ARHGEF12: variants seen among roughly 807,000 people sequenced by gnomAD.
ARHGEF12 encodes KMT2A/ARHGEF12 fusion protein.
In ARHGEF12, 66 loss-of-function variants were observed where a neutral mutation model predicts 211.2. The ratio of observed to expected loss-of-function variants is 0.31; its 90% CI spans 0.26 to 0.38. The LOEUF (loss-of-function observed/expected upper bound fraction) is 0.38. Among genes scored for constraint, ARHGEF12 ranks in the 10% least tolerant of loss-of-function variants. ARHGEF12 has a pLI of 1.00. For synonymous variants in ARHGEF12, 592 were observed against 638.4 expected (o/e 0.93, Z 1.09); for missense variants, 1,429 against 1,869.5 (o/e 0.76, Z 4.34).
rs1364331510 is a variant in ARHGEF12 at position 120,486,988 on chromosome 11, T to C, written c.*1911T>C. 3 of 214,924 alleles carry C rather than the reference T, an allele frequency of 1.4e-5. No homozygotes were observed. The highest frequency in any genetic ancestry group is 2.8e-5 in the Non-Finnish European group (3 of 106,490). The allele number at this position is 214,924 out of a possible 1,614,324, so 13.3% of individuals were successfully genotyped here. A position where few individuals can be genotyped will look rare whatever the true frequency, so the allele number is the denominator to read the frequency against. Reference sequence around the variant, plus strand: ...AGTTTGGGATTTGGAACTTTCTGTATCTCTTAGGAGGAACAAGTAAAAACC... The same window carrying C: ...AGTTTGGGATTTGGAACTTTCTGTACCTCTTAGGAGGAACAAGTAAAAACC... On this transcript the variant is annotated 3_prime_UTR_variant, in exon 41 of 41. Coordinates refer to ENST00000397843, the MANE Select transcript of ARHGEF12 (RefSeq NM_015313.3).
At chr11:120,437,250 C>A in intron 11 of ARHGEF12, 58 bp from the exon 12 acceptor site, 3 of 1,204,268 alleles carry the variant, frequency 2.5e-6, no homozygotes, top group Non-Finnish European at 1.2e-6. Context: ...ACTTTTTTCC[C>A]TCATCTCCTT....
chr11:120,447,740 C>T, intron 18 of ARHGEF12, 134 bp from the exon 19 acceptor site: 1 of 577,924 alleles, frequency 1.7e-6, no homozygotes, highest in Non-Finnish European at 3.0e-6. Flanking sequence ...CACTTGCGCC[C>T]AGGAGGCGGA....
At chr11:120,463,046 T>TGCCCA (rs1489452077) in intron 27 of ARHGEF12, 2 of 152,270 alleles carry the variant, frequency 1.3e-5, no homozygotes, top group Non-Finnish European at 2.9e-5. Context: ...TAGATGATTT[T>TGCCCA]GCCCAGCTGT....
intron 21 of ARHGEF12, chr11:120,450,086 T>A (rs891906837): frequency 6.6e-6 from 1 of 152,126 alleles, no homozygotes; most frequent in Non-Finnish European, 1.5e-5. Context: ...TTGAAAATAC[T>A]GAAGCCAGGT....
At chr11:120,386,302 A>T (rs1343610413) in intron 1 of ARHGEF12, among the ~76,000 whole-genome samples, 1 of 152,172 alleles carries the variant, frequency 6.6e-6, no homozygotes, top group Non-Finnish European at 1.5e-5. Context: ...TTTTCTCTTG[A>T]AAGTATTTTT....
chr11:120,419,020 CTGGACCCGCCTCCCAGGT>C (rs1179722050), intron 4 of ARHGEF12, among the ~76,000 whole-genome samples: 1 of 151,618 alleles, frequency 6.6e-6, no homozygotes, highest in East Asian at 1.9e-4. Flanking sequence ...GTCGCCCAGG[CTGGACCCGCCTCCCAGGT>C]TGGACCCGCC....
At chr11:120,484,761 G>A (rs1291971264) in intron 40 of ARHGEF12, among the ~76,000 whole-genome samples, 1 of 152,178 alleles carries the variant, frequency 6.6e-6, no homozygotes, top group Admixed American at 6.5e-5. Flanking sequence ...AAAGCAGAAG[G>A]CAGAGCAGTG....
At position 120,477,249 on chromosome 11, in the gene ARHGEF12, A is replaced by G; in HGVS notation, c.3396A>G (p.Ala1132=). The change falls in exon 35 of 41, where the codon GCA becomes GCG. Residue 1132 remains alanine (A), a synonymous_variant. Coordinates refer to ENST00000397843, the MANE Select transcript of ARHGEF12 (RefSeq NM_015313.3). ...VWQDLICRMA[A]SVKEQSTKPI... ...AGGACCTAATCTGTCGGATGGCTGC[A>G]TCAGTGAAGGAGCAATCCACAAAGC... 1 of 1,614,104 alleles carries G rather than the reference A, an allele frequency of 6.2e-7. No individual in the cohort carries two copies. Among genetic ancestry groups the G allele is most frequent in the Non-Finnish European group, 8.5e-7 (1 of 1,180,022 alleles).
chr11:120,345,747 A>AAT (rs199856801), intron 1 of ARHGEF12, among the ~76,000 whole-genome samples: 1,983 of 149,310 alleles, frequency 0.013, 34 homozygotes, highest in African/African-American at 0.042. Context: ...CATACTCCTA[A>AAT]ATATATATAT....
rs530625214 is a variant in ARHGEF12, at chr11:120,478,117, TG to T, written c.3533-38del. The T allele has an allele frequency of 6.4e-6, 9 of 1,408,172 alleles. No individual in the cohort carries two copies. The African/African-American group carries it at 1.1e-4, about 18-fold the overall frequency. 87.2% of individuals were successfully genotyped at this position (1,408,172 alleles called of 1,614,324 possible). On this transcript the variant is annotated intron_variant, in intron 36 of 40. Transcript: ENST00000397843. ...GCTTCATGTTAAAAGTTAAAAGCTT[TG>T]TTTAGATATAGTCTACCTTTTCTAT...
At chr11:120,351,429 ATATATATATATATATATATATATATATT>A (rs1199535703) in intron 1 of ARHGEF12, among the ~76,000 whole-genome samples, 11 of 3,960 alleles carry the variant, frequency 2.8e-3, no homozygotes, top group East Asian at 6.0e-3. Context: ...ATATATATAT[ATATATATATATATATATATATATATATT>A]TTTTTTTTTT....
At chr11:120,353,288 G>A (rs1422745979) in intron 1 of ARHGEF12, among the ~76,000 whole-genome samples, 1 of 152,118 alleles carries the variant, frequency 6.6e-6, no homozygotes, top group African/African-American at 2.4e-5. Flanking sequence ...CCTTGTGCCC[G>A]GTATTATACC....
intron 17 of ARHGEF12, 31 bp from the exon 18 acceptor site, chr11:120,446,917 C>T: frequency 6.2e-7 from 1 of 1,601,698 alleles, no homozygotes; most frequent in Non-Finnish European, 8.5e-7. Context: ...TTTCTTTAGG[C>T]TACCTCAGGA....
chr11:120,457,602 A>G, intron 23 of ARHGEF12, 119 bp from the exon 24 acceptor site: 2 of 656,228 alleles, frequency 3.0e-6, no homozygotes, highest in Non-Finnish European at 4.8e-6. Context: ...AATTATTACA[A>G]TATCCCAAAG....
chr11:120,425,159 C>G (rs1035843305), intron 7 of ARHGEF12, among the ~76,000 whole-genome samples: 1 of 152,096 alleles, frequency 6.6e-6, no homozygotes, highest in Non-Finnish European at 1.5e-5. Context: ...CCTCAGTTTT[C>G]CCATCTGCAC....
intron 1 of ARHGEF12, among the ~76,000 whole-genome samples, chr11:120,358,017 G>A (rs562898665): frequency 5.3e-5 from 8 of 152,128 alleles, no homozygotes; most frequent in Non-Finnish European, 1.0e-4. Flanking sequence ...CCAGATTATG[G>A]AAGGCCTTTT....
chr11:120,481,669 C>G (rs1017225396), intron 39 of ARHGEF12, 93 bp downstream of exon 39: 2 of 1,255,388 alleles, frequency 1.6e-6, no homozygotes, highest in African/African-American at 3.0e-5. Flanking sequence ...TGTCAATAAA[C>G]TTGTTCAGGT....
chr11:120,476,842 G>A, intron 34 of ARHGEF12, 94 bp downstream of exon 34: 1 of 997,906 alleles, frequency 1.0e-6, no homozygotes, highest in Non-Finnish European at 1.5e-6. Flanking sequence ...TATAATGTAT[G>A]GAAACCAAGC....
intron 1 of ARHGEF12, among the ~76,000 whole-genome samples, chr11:120,380,443 C>T (rs113572426): frequency 9.4e-4 from 143 of 152,230 alleles, no homozygotes; most frequent in African/African-American, 3.2e-3. Flanking sequence ...TCATGTTTCC[C>T]CAGTCTCTTG....
Sources: gnomAD v4.1 joint callset for allele counts (sites outside exome capture counted in the v4.1 genomes callset) on GRCh38, gnomAD v4.1.1 for gene constraint, MANE v1.5 for transcripts, NCBI Gene and HGNC (gene_info 2026-07-23, HGNC 2026-07-21) for gene names.